Variants in CFAP65 observed in about 807,000 individuals in gnomAD.
The protein encoded by CFAP65 is cilia- and flagella-associated protein 65.
In CFAP65, 155 loss-of-function variants were observed where a neutral mutation model predicts 208.0. That is an observed-to-expected ratio of 0.75 (90% CI 0.65 to 0.85). The LOEUF (loss-of-function observed/expected upper bound fraction) is 0.85, where lower values mean the gene tolerates loss of function less well. CFAP65 is among the 40% of genes least tolerant of loss of function. The pLI, the probability that CFAP65 is intolerant of heterozygous loss-of-function variation, is 0.00. For missense variants in CFAP65, 2,294 were observed against 2,451.3 expected (o/e 0.94, Z 1.36); for synonymous variants, 970 against 986.3 (o/e 0.98, Z 0.31).
At chr2:219,022,052 G>T in intron 17 of CFAP65, 119 bp downstream of exon 17, 2 of 1,526,260 alleles carry the variant, frequency 1.3e-6, no homozygotes, top group South Asian at 2.5e-5. Context: ...CGGGGCAGAG[G>T]GCTCCTATCC....
rs1203367400 is a variant in CFAP65 at position 219,028,330 on chromosome 2, C to T, written c.1722G>A (p.Gln574=). ...GGTGTGTGCGGTACCAGGTGAGGTG[C>T]TGAGGCTTCAGGATGGCTGGCTTGG... ...DSTKPAILKP[Q]HLTWYRTHLA... is the part of the protein sequence containing the mutation. Residue 574 remains glutamine (Q), a synonymous_variant, in exon 12 of 35, where the codon CAG becomes CAA. Transcript: ENST00000341552. 1 of 1,613,812 alleles carries T rather than the reference C, an allele frequency of 6.2e-7. No homozygotes were observed. Among genetic ancestry groups the T allele is most frequent in the African/African-American group, 1.3e-5 (1 of 74,816 alleles).
rs1945769620 is a variant in CFAP65 at position 219,004,119 on chromosome 2, C to A, written c.5388G>T (p.Glu1796Asp). The A allele has an allele frequency of 6.2e-7, 1 of 1,613,840 alleles. No individual in the cohort carries two copies. Among genetic ancestry groups the A allele is most frequent in the Admixed American group, 1.7e-5 (1 of 59,974 alleles). The change falls in exon 33 of 35, where the codon GAG (glutamate) becomes GAT (aspartate). Residue 1796 changes from glutamate to aspartate, a missense_variant. By Grantham distance (45) the Glu-to-Asp change is conservative (BLOSUM62 2). Around this residue, in one of 2 missense-constraint regions of CFAP65, gnomAD observed 1,427 missense variants for 1,438.7 expected, o/e 0.99. Coordinates refer to ENST00000341552, the MANE Select transcript of CFAP65 (RefSeq NM_194302.4). The surrounding 1 kb of genome is among the most constrained non-coding windows in gnomAD (Gnocchi z 4.7). ...TCTCATCCCTCTCCTCCTCCTTCTCCTCTATCTCCTCCTTGCCCAACTCCT... is the reference window on the plus strand; with the variant it reads ...TCTCATCCCTCTCCTCCTCCTTCTCATCTATCTCCTCCTTGCCCAACTCCT... ...EEEELGKEEI[E>D]EKEEERDEKE...
At chr2:219,019,964 G>C (rs1479545882) in intron 19 of CFAP65, among the ~76,000 whole-genome samples, 1 of 152,042 alleles carries the variant, frequency 6.6e-6, no homozygotes, top group Non-Finnish European at 1.5e-5. Context: ...ACCGTGATTT[G>C]GTTTCAAACT....
intron 5 of CFAP65, chr2:219,033,786 A>C (rs1231626173): frequency 6.6e-6 from 1 of 152,182 alleles, no homozygotes; most frequent in Non-Finnish European, 1.5e-5. Context: ...TCTATTTAAC[A>C]ATGCAGTAAG....
rs976728545 is a variant in CFAP65, at chr2:219,003,785, G to C, written c.5555+167C>G. On this transcript the variant is annotated intron_variant, in intron 33 of 34. Transcript: ENST00000341552. The surrounding 1 kb of genome is among the most constrained non-coding windows in gnomAD (Gnocchi z 4.4). ...AAGAATAAAGTTCAGTGTTGGTGCC[G>C]GGCGGATACTCCCACAGAGGCCTTA... 2.6e-5 allele frequency among the ~76,000 whole-genome samples: 4 copies of C among 152,140 alleles called. No individual in the cohort carries two copies. Among genetic ancestry groups the C allele is most frequent in the East Asian group, 1.9e-4 (1 of 5,186 alleles).
At chr2:219,035,139 C>T (rs1218686962) in intron 5 of CFAP65, 4 of 502,398 alleles carry the variant, frequency 8.0e-6, no homozygotes, top group Admixed American at 3.9e-5. Flanking sequence ...TCCAAAATCA[C>T]GTGAGCCTTC....
rs868434783 is a variant in CFAP65 at position 219,010,695 on chromosome 2, G to A, written c.4159C>T (p.Pro1387Ser). 1 of 1,607,276 alleles carries A rather than the reference G, an allele frequency of 6.2e-7. No homozygotes were observed. Among genetic ancestry groups the A allele is most frequent in the East Asian group, 2.2e-5 (1 of 44,762 alleles). The change falls in exon 26 of 35, where the codon CCC (proline) becomes TCC (serine). Residue 1387 changes from proline to serine, a missense_variant. Transcript: ENST00000341552. ...GAGTTCCATCCCAGGATGTGTATGG[G>A]CACGTCCACCTGGGGAGTTAGGAGG... ...IEAKTYTVDV[P>S]IHILGWNSAL...
Position 219,003,367 on chromosome 2 carries a change from C to T in CFAP65, c.5556-95G>A, listed in dbSNP as rs1375337710. 1 of 1,403,530 alleles carries T rather than the reference C, an allele frequency of 7.1e-7. No individual in the cohort carries two copies. Among genetic ancestry groups the T allele is most frequent in the African/African-American group, 1.5e-5 (1 of 68,566 alleles). 86.9% of individuals were successfully genotyped at this position (1,403,530 alleles called of 1,614,324 possible). A position where few individuals can be genotyped will look rare whatever the true frequency, so the allele number is the denominator to read the frequency against. ...GCGGTACATTGTGCCGCGAGCTCTA[C>T]GGAGATTCCCATTCGACTCCCCTCA... On this transcript the variant is annotated intron_variant, in intron 33 of 34. Transcript: ENST00000341552. This position sits in a 1 kb window ranked among gnomAD's most constrained non-coding sequence, Gnocchi z 4.4.
chr2:219,009,903 G>A (rs774657983), intron 27 of CFAP65, 39 bp downstream of exon 27: 3 of 1,578,150 alleles, frequency 1.9e-6, no homozygotes, highest in Non-Finnish European at 2.6e-6. Context: ...GATGGGTCTG[G>A]AGCTCTGATG....
In CFAP65 at chr2:219,028,313, C is replaced by T. The variant is rs760655265; in HGVS notation, c.1739G>A (p.Arg580His). The change falls in exon 12 of 35, where the codon CGC becomes CAC. Residue 580 changes from arginine (R) to histidine (H), a missense_variant. Around this residue, in one of 2 missense-constraint regions of CFAP65, gnomAD observed 867 missense variants for 1,012.6 expected, o/e 0.86. Transcript: ENST00000341552. The part of the protein sequence containing the change: ...ILKPQHLTWY[R>H]THLARGLTLY... ...CGTCAGGCCCCGGGCCAGGTGTGTG[C>T]GGTACCAGGTGAGGTGCTGAGGCTT... 130 of 1,613,914 alleles carry T rather than the reference C, an allele frequency of 8.1e-5. No homozygotes were observed. Among genetic ancestry groups the T allele is most frequent in the Admixed American group, 2.0e-4 (12 of 59,994 alleles).
intron 4 of CFAP65, among the ~76,000 whole-genome samples, chr2:219,036,476 G>A (rs1035410363): frequency 6.0e-5 from 9 of 149,392 alleles, no homozygotes; most frequent in African/African-American, 2.0e-4. Context: ...TAAGAGTCTC[G>A]CTTTATCGCC....
In CFAP65 at chr2:219,003,080, G is replaced by A; in HGVS notation, c.5693+55C>T. 1 of 1,546,368 alleles carries A rather than the reference G, an allele frequency of 6.5e-7. No individual in the cohort carries two copies. Among genetic ancestry groups the A allele is most frequent in the Middle Eastern group, 1.7e-4 (1 of 5,962 alleles). On this transcript the variant is annotated intron_variant, in intron 34 of 34. Transcript: ENST00000341552. This position sits in a 1 kb window ranked among gnomAD's most constrained non-coding sequence, Gnocchi z 4.4. Reference sequence around the variant, plus strand: ...GCGAGGCTTCGGGCAGAGCCTGGCTGCCCCCGTGGCCCCTCTCGCGCGGTC... The same window carrying A: ...GCGAGGCTTCGGGCAGAGCCTGGCTACCCCCGTGGCCCCTCTCGCGCGGTC...
Position 219,030,194 on chromosome 2 carries a change from G to C in CFAP65, c.1176C>G (p.Phe392Leu), listed in dbSNP as rs558625132. 1.9e-6 allele frequency: 3 copies of C among 1,613,984 alleles called. No homozygotes were observed. Among genetic ancestry groups the C allele is most frequent in the African/African-American group, 2.7e-5 (2 of 74,912 alleles). The stretch of plus-strand genomic sequence containing the variant: ...GTTCATCCGGGGAAATTTCAATCCT[G>C]AAGGGGGCATTTACCTGTGTGGCCA... ...LHNPSAVNAP[F>L]RIEISPDELA... The change falls in exon 10 of 35, where the codon TTC becomes TTG. Residue 392 changes from phenylalanine (F) to leucine (L), a missense_variant. This residue lies in a region of CFAP65 where 867 missense variants were observed against 1,012.6 expected (regional missense o/e 0.86). Coordinates refer to ENST00000341552, the MANE Select transcript of CFAP65 (RefSeq NM_194302.4).
At chr2:219,009,294 C>A in intron 28 of CFAP65, 53 bp downstream of exon 28, 1 of 1,491,708 alleles carries the variant, frequency 6.7e-7, no homozygotes, top group Admixed American at 1.7e-5. Context: ...CACCCCACCC[C>A]AGCATTGGGA....
chr2:219,031,736 C>T lies in CFAP65; in HGVS notation c.646-78G>A, dbSNP rs1040498302. The T allele has an allele frequency of 1.3e-6, 2 of 1,515,980 alleles. No homozygotes were observed. The highest frequency in any genetic ancestry group is 1.8e-6 in the Non-Finnish European group (2 of 1,124,836). 93.9% of individuals were successfully genotyped at this position (1,515,980 alleles called of 1,614,324 possible). ...TGCACATCCCGCCCACCCTCAGCCACCCCCAACACAACCGCTGAGGGGAGG... is the reference window on the plus strand; with the variant it reads ...TGCACATCCCGCCCACCCTCAGCCATCCCCAACACAACCGCTGAGGGGAGG... On this transcript the variant is annotated intron_variant, in intron 6 of 34. Transcript: ENST00000341552. The surrounding 1 kb of genome is among the most constrained non-coding windows in gnomAD (Gnocchi z 5.2).
rs571028127 is a variant in CFAP65 at position 219,029,900 on chromosome 2, C to T, written c.1384+86G>A. On this transcript the variant is annotated intron_variant, in intron 10 of 34. Coordinates refer to ENST00000341552, the MANE Select transcript of CFAP65 (RefSeq NM_194302.4). ...CCCAGGCTGAGGCAAGGTGGCCCCG[C>T]CTCCTAGGAGCAGGGAAGGAGCTCT... The T allele has an allele frequency of 6.6e-6, 9 of 1,372,712 alleles. No homozygotes were observed. The African/African-American group carries it at 1.2e-4, about 18-fold the overall frequency. The allele number at this position is 1,372,712 out of a possible 1,614,324, so 85.0% of individuals were successfully genotyped here. A position where few individuals can be genotyped will look rare whatever the true frequency, so the allele number is the denominator to read the frequency against.
At chr2:219,008,613 T>A (rs1946197913) in intron 29 of CFAP65, among the ~76,000 whole-genome samples, 1 of 152,156 alleles carries the variant, frequency 6.6e-6, no homozygotes, top group African/African-American at 2.4e-5. Context: ...GGTATAGTGG[T>A]GGGCACCTGT....
chr2:219,012,773 C>A (rs1946571695), intron 24 of CFAP65, among the ~76,000 whole-genome samples: 1 of 152,216 alleles, frequency 6.6e-6, no homozygotes. Flanking sequence ...GTGGCTAAGA[C>A]CTACTGGTGA....
Position 219,006,141 on chromosome 2 carries a change from C to A in CFAP65, c.4802G>T (p.Trp1601Leu). ...TGGCGAGGGTGGCTGGGGGCAGGGCCAGGACACCTCCTCCTTTGGGGTCTG... is the reference window on the plus strand; with the variant it reads ...TGGCGAGGGTGGCTGGGGGCAGGGCAAGGACACCTCCTCCTTTGGGGTCTG... ...KLQTPKEEVS[W>L]PCPQPPSPGM... The change falls in exon 31 of 35, where the codon TGG (tryptophan) becomes TTG (leucine). Residue 1601 changes from tryptophan (W) to leucine (L), a missense_variant. Physicochemically the swap from Trp to Leu is moderately conservative, Grantham distance 61. Coordinates refer to ENST00000341552, the MANE Select transcript of CFAP65 (RefSeq NM_194302.4). The A allele has an allele frequency of 6.2e-7, 1 of 1,613,718 alleles. No individual in the cohort carries two copies. Among genetic ancestry groups the A allele is most frequent in the Non-Finnish European group, 8.5e-7 (1 of 1,180,002 alleles).
Sources: gnomAD v4.1 joint callset for allele counts (sites outside exome capture counted in the v4.1 genomes callset) on GRCh38, gnomAD v4.1.1 for gene constraint, gnomAD v4.1.1 regional missense constraint, Gnocchi (gnomAD v3.1) non-coding constraint, MANE v1.5 for transcripts, NCBI Gene and HGNC (gene_info 2026-07-23, HGNC 2026-07-21) for gene names.